The following ATP10A variants were observed in gnomAD, a reference collection of about 807,000 sequenced individuals.
ATP10A encodes the protein ATPase phospholipid transporting 10A (putative), also known as phospholipid-transporting ATPase VA.
Under a neutral mutation model 147.8 loss-of-function variants are expected in ATP10A, and 111 were observed. The ratio of observed to expected loss-of-function variants is 0.75; its 90% CI spans 0.64 to 0.88. ATP10A has a LOEUF of 0.88. Ranked by LOEUF, ATP10A falls within the 40% of genes least tolerant of loss-of-function variation. ATP10A has a pLI of 0.00. For synonymous variants in ATP10A, 875 were observed against 841.6 expected, an observed-to-expected ratio of 1.04 and a Z score of -0.69; for missense variants, 1,927 against 1,959.0, an observed-to-expected ratio of 0.98 and a Z score of 0.31.
intron 12 of ATP10A, among the ~76,000 whole-genome samples, chr15:25,703,778 C>T (rs947464426): frequency 1.3e-5 from 2 of 152,250 alleles, no homozygotes; most frequent in African/African-American, 4.8e-5. Flanking sequence ...AGAAGACCCC[C>T]TCAGGGGCAA....
intron 1 of ATP10A, among the ~76,000 whole-genome samples, chr15:25,805,324 G>A (rs1179883556): frequency 6.6e-6 from 1 of 152,226 alleles, no homozygotes; most frequent in Admixed American, 6.5e-5. Context: ...CCTTCACTGT[G>A]CCTACGGGTC....
intron 13 of ATP10A, among the ~76,000 whole-genome samples, chr15:25,698,770 G>C (rs1900496480): frequency 6.6e-6 from 1 of 152,130 alleles, no homozygotes. Flanking sequence ...TTTTGGATGG[G>C]TCTTTTGGGG....
At chr15:25,816,193 T>G (rs1044764116) in intron 1 of ATP10A, among the ~76,000 whole-genome samples, 8 of 151,212 alleles carry the variant, frequency 5.3e-5, no homozygotes, top group African/African-American at 1.7e-4. Flanking sequence ...ATAAGTGAAA[T>G]GAAAGATCTT....
chr15:25,835,417 A>G (rs968463850), intron 1 of ATP10A, among the ~76,000 whole-genome samples: 3 of 152,202 alleles, frequency 2.0e-5, no homozygotes, highest in Admixed American at 2.0e-4. Context: ...GTGGGTCTCA[A>G]TAAAGCCCCC....
At chr15:25,757,982 G>T (rs1417136632) in intron 2 of ATP10A, among the ~76,000 whole-genome samples, 56 of 9,010 alleles carry the variant, frequency 6.2e-3, no homozygotes, top group African/African-American at 7.3e-3. Flanking sequence ...AACTCATTCC[G>T]ATCACCTGCT....
intron 11 of ATP10A, 36 bp from the exon 12 acceptor site, chr15:25,708,138 G>A (rs746560707): frequency 4.5e-5 from 72 of 1,612,926 alleles, no homozygotes; most frequent in South Asian, 7.7e-5. Flanking sequence ...TGCACCGGGC[G>A]CTGCTCACTG....
intron 15 of ATP10A, 45 bp from the exon 16 acceptor site, chr15:25,687,873 C>G (rs368687660): frequency 6.2e-7 from 1 of 1,612,854 alleles, no homozygotes; most frequent in Admixed American, 1.7e-5. Context: ...GCCGACCTGG[C>G]GTCAGATTTG....
chr15:25,790,917 T>G (rs769186723), intron 1 of ATP10A, among the ~76,000 whole-genome samples: 2 of 152,214 alleles, frequency 1.3e-5, no homozygotes, highest in African/African-American at 4.8e-5. Context: ...TCCCAGGAAA[T>G]GGGCCGGAGT....
intron 1 of ATP10A, among the ~76,000 whole-genome samples, chr15:25,821,489 T>C (rs1171016460): frequency 6.6e-6 from 1 of 152,104 alleles, no homozygotes; most frequent in Non-Finnish European, 1.5e-5. Context: ...AAAGATGTCA[T>C]TTTTGCCTGC....
chr15:25,824,824 G>T (rs558484650), intron 1 of ATP10A, among the ~76,000 whole-genome samples: 1 of 152,088 alleles, frequency 6.6e-6, no homozygotes, highest in African/African-American at 2.4e-5. Flanking sequence ...TTACGTTTCC[G>T]TATTTCCTAC....
At chr15:25,796,130 A>G (rs1890660086) in intron 1 of ATP10A, among the ~76,000 whole-genome samples, 1 of 152,232 alleles carries the variant, frequency 6.6e-6, no homozygotes. Flanking sequence ...GAACAGGGAC[A>G]ACATGTGAAA....
At chr15:25,770,752 CAGGG>C in intron 2 of ATP10A, among the ~76,000 whole-genome samples, 1 of 152,306 alleles carries the variant, frequency 6.6e-6, no homozygotes, top group Non-Finnish European at 1.5e-5. Flanking sequence ...AGCATCTCTG[CAGGG>C]CTGCCCTGCA....
At position 25,729,140 on chromosome 15, in the gene ATP10A, C is replaced by T. The variant is rs1431332623; in HGVS notation, c.741-1874G>A. Among the ~76,000 whole-genome samples, 3 of 152,194 alleles carry T rather than the reference C, an allele frequency of 2.0e-5. No homozygotes were observed. In the East Asian group the frequency reaches 5.8e-4, roughly 29 times the overall value. On this transcript the variant is annotated intron_variant, in intron 3 of 20. Coordinates refer to ENST00000555815, the MANE Select transcript of ATP10A (RefSeq NM_024490.4). ...GGTGAAGCCCTAACTCCCAGGACTG[C>T]AGAATATGGCTGTATTTGGAGACAG...
At chr15:25,786,996 A>G (rs1437734832) in intron 1 of ATP10A, among the ~76,000 whole-genome samples, 1 of 151,912 alleles carries the variant, frequency 6.6e-6, no homozygotes, top group African/African-American at 2.4e-5. Flanking sequence ...TGGATATCCT[A>G]TTATGACCCA....
chr15:25,775,091 T>C (rs554627283), intron 2 of ATP10A, among the ~76,000 whole-genome samples: 18 of 152,356 alleles, frequency 1.2e-4, no homozygotes, highest in Non-Finnish European at 2.1e-4. Flanking sequence ...TGATAGATTA[T>C]GCTGCCTCCT....
At chr15:25,784,577 G>A (rs1187857528) in intron 1 of ATP10A, among the ~76,000 whole-genome samples, 1 of 152,196 alleles carries the variant, frequency 6.6e-6, no homozygotes, top group African/African-American at 2.4e-5. Flanking sequence ...GTCCTGGTTT[G>A]TGGGAGTGGG....
intron 2 of ATP10A, among the ~76,000 whole-genome samples, chr15:25,751,544 T>C (rs1888157325): frequency 6.6e-6 from 1 of 152,120 alleles, no homozygotes; most frequent in Non-Finnish European, 1.5e-5. Context: ...AAGTTTACCA[T>C]AACTCACATT....
chr15:25,736,436 G>A (rs1887286366), intron 2 of ATP10A, among the ~76,000 whole-genome samples: 1 of 152,176 alleles, frequency 6.6e-6, no homozygotes, highest in Non-Finnish European at 1.5e-5. Flanking sequence ...AAGCAAAGGA[G>A]GCCATCAATG....
chr15:25,730,625 T>C (rs1902924452), intron 3 of ATP10A, among the ~76,000 whole-genome samples: 1 of 152,166 alleles, frequency 6.6e-6, no homozygotes, highest in Non-Finnish European at 1.5e-5. Context: ...TCCTCATCTA[T>C]ATGAATCAGG....
Sources: gnomAD v4.1 joint callset for allele counts (sites outside exome capture counted in the v4.1 genomes callset) on GRCh38, gnomAD v4.1.1 for gene constraint, MANE v1.5 for transcripts, NCBI Gene and HGNC (gene_info 2026-07-23, HGNC 2026-07-21) for gene names.